The following C5 variants were observed in gnomAD, a reference collection of about 807,000 sequenced individuals.
C5 encodes the protein complement C5, also known as C3 and PZP-like alpha-2-macroglobulin domain-containing protein 4.
A neutral mutation model predicts 218.8 loss-of-function variants in C5; 140 were observed. That is an observed-to-expected ratio of 0.64 (90% CI 0.56 to 0.74). C5 has a LOEUF of 0.74. C5 is among the 30% of genes least tolerant of loss of function. The pLI, the probability that C5 is intolerant of heterozygous loss-of-function variation, is 0.00. For missense variants in C5, 1,700 were observed against 1,969.6 expected, an observed-to-expected ratio of 0.86 and a Z score of 2.59; for synonymous variants, 614 against 682.3, an observed-to-expected ratio of 0.90 and a Z score of 1.56.
At position 121,014,202 on chromosome 9, in the gene C5, A is replaced by G; in HGVS notation, c.2060-132T>C. ...TACCCACAATAGTTATGGCTAGTTG[A>G]CTGTCCAGACTCCCCTTGGAACTAT... On this transcript the variant is annotated intron_variant, in intron 16 of 40. Coordinates refer to ENST00000223642, the MANE Select transcript of C5 (RefSeq NM_001735.3). 5.3e-6 allele frequency: 4 copies of G among 760,852 alleles called. No homozygotes were observed. The South Asian group carries it at 5.9e-5, about 11-fold the overall frequency. The allele number at this position is 760,852 out of a possible 1,614,324, so 47.1% of individuals were successfully genotyped here.
intron 3 of C5, among the ~76,000 whole-genome samples, chr9:121,042,372 C>T (rs1485637508): frequency 6.6e-6 from 1 of 152,164 alleles, no homozygotes; most frequent in Admixed American, 6.6e-5. Flanking sequence ...AATGTTCTAA[C>T]AGTAACTTTC....
intron 28 of C5, 61 bp downstream of exon 28, chr9:120,980,022 G>A (rs1207755542): frequency 2.7e-6 from 4 of 1,501,144 alleles, no homozygotes; most frequent in Non-Finnish European, 3.7e-6. Flanking sequence ...CCACTTCCCA[G>A]ACTAGCAGAC....
At chr9:120,995,546 T>A (rs908210470) in intron 22 of C5, among the ~76,000 whole-genome samples, 2 of 152,150 alleles carry the variant, frequency 1.3e-5, no homozygotes, top group Non-Finnish European at 2.9e-5. Context: ...AGTGATTAAT[T>A]AGCATTATTA....
chr9:120,954,057 T>C (rs2046767662), intron 39 of C5, among the ~76,000 whole-genome samples, 189 bp from the exon 40 acceptor site: 2 of 152,206 alleles, frequency 1.3e-5, no homozygotes, highest in African/African-American at 4.8e-5. Flanking sequence ...AGCATGCTGC[T>C]TCCTGGCTAT....
At position 121,002,337 on chromosome 9, in the gene C5, TATATAC is replaced by T. The variant is rs1481090272; in HGVS notation, c.2562+3576_2562+3581del. Among the ~76,000 whole-genome samples, 72 of 117,028 alleles carry T rather than the reference TATATAC, an allele frequency of 6.2e-4. 1 individual carries two copies. The highest frequency in any genetic ancestry group is 2.3e-3 in the African/African-American group (64 of 27,826). The allele number at this position is 117,028 out of a possible 152,430, so 76.8% of individuals were successfully genotyped here. ...GTGTGTATATATATATATATATATA[TATATAC>T]ACACATACCTACACAAGCCGATTTT... On this transcript the variant is annotated intron_variant, in intron 20 of 40. Transcript: ENST00000223642.
intron 25 of C5, among the ~76,000 whole-genome samples, chr9:120,983,922 G>A (rs1010518388): frequency 2.6e-5 from 4 of 152,078 alleles, no homozygotes; most frequent in African/African-American, 9.7e-5. Flanking sequence ...CTTCCAAATA[G>A]TAGATACAAG....
chr9:121,060,273 A>T, the C5 span, among the ~76,000 whole-genome samples: 24 of 152,286 alleles, frequency 1.6e-4, no homozygotes, highest in African/African-American at 5.1e-4. Context: ...AAGCTGGAAT[A>T]ATTCGTGCTG....
At chr9:120,962,493 T>G (rs919100671) in intron 36 of C5, among the ~76,000 whole-genome samples, 178 bp downstream of exon 36, 6 of 152,200 alleles carry the variant, frequency 3.9e-5, no homozygotes, top group African/African-American at 1.4e-4. Flanking sequence ...TGTCAAGAAG[T>G]AGTTTATGTA....
At chr9:121,034,656 CTT>C (rs2047507742) in intron 5 of C5, 145 bp downstream of exon 5, 1 of 594,592 alleles carries the variant, frequency 1.7e-6, no homozygotes, top group Admixed American at 3.1e-5. Context: ...AAGAACAGAG[CTT>C]AAGTTCTTGC....
the C5 span, among the ~76,000 whole-genome samples, chr9:121,056,955 T>G: frequency 6.6e-6 from 1 of 152,014 alleles, no homozygotes; most frequent in East Asian, 1.9e-4. Flanking sequence ...CTCTCAATGA[T>G]CAAGGATAAA....
intron 31 of C5, among the ~76,000 whole-genome samples, chr9:120,971,164 T>A (rs1226432420): frequency 1.6e-5 from 2 of 122,510 alleles, no homozygotes; most frequent in Non-Finnish European, 3.2e-5. Context: ...AGAGCAAGAC[T>A]CCATCTCAAA....
chr9:120,996,425 G>A (rs913042209), intron 21 of C5, 125 bp from the exon 22 acceptor site: 9 of 794,714 alleles, frequency 1.1e-5, no homozygotes, highest in Middle Eastern at 5.5e-4. Context: ...GGCAAACTAT[G>A]TATAAATACT....
At chr9:120,979,937 C>A in intron 28 of C5, 146 bp downstream of exon 28, 1 of 698,846 alleles carries the variant, frequency 1.4e-6, no homozygotes, top group South Asian at 1.6e-5. Context: ...AATAACGGCA[C>A]ACATTACATC....
Position 121,016,260 on chromosome 9 carries a change from C to T in C5, c.1990G>A (p.Glu664Lys). Residue 664 changes from glutamate to lysine, a missense_variant, in exon 15 of 41, where the codon GAA (glutamate) becomes AAA (lysine). Coordinates refer to ENST00000223642, the MANE Select transcript of C5 (RefSeq NM_001735.3). ...AACATGCTGAGCATTTTACCATTTT[C>T]TTGGGAGTCATCTGCATTTGCATTA... The part of the protein sequence containing the change: ...LTNANADDSQ[E>K]NDEPCKEILR... The T allele has an allele frequency of 6.2e-7, 1 of 1,613,954 alleles. No homozygotes were observed. Among genetic ancestry groups the T allele is most frequent in the Non-Finnish European group, 8.5e-7 (1 of 1,179,872 alleles).
chr9:121,007,556 C>T (rs2047225764), intron 18 of C5, among the ~76,000 whole-genome samples: 1 of 152,170 alleles, frequency 6.6e-6, no homozygotes, highest in South Asian at 2.1e-4. Context: ...AGTTCAGAGG[C>T]AGTGTGCTTT....
chr9:120,964,378 A>G (rs983675901), intron 33 of C5, among the ~76,000 whole-genome samples: 1 of 152,176 alleles, frequency 6.6e-6, no homozygotes, highest in Non-Finnish European at 1.5e-5. Flanking sequence ...CTACAGGAGA[A>G]TTGCTTGAAC....
intron 38 of C5, 47 bp downstream of exon 38, chr9:120,960,201 C>A (rs747043737): frequency 2.1e-5 from 25 of 1,178,148 alleles, no homozygotes; most frequent in Middle Eastern, 1.9e-4. Context: ...AACACATATT[C>A]ATAAAATTTC....
chr9:121,073,032 C>T, the C5 span, among the ~76,000 whole-genome samples: 6 of 152,138 alleles, frequency 3.9e-5, no homozygotes, highest in Admixed American at 3.3e-4. Context: ...GACACATCTG[C>T]ATCCCCATGT....
At chr9:121,040,630 T>C (rs2047569492) in intron 3 of C5, among the ~76,000 whole-genome samples, 1 of 152,252 alleles carries the variant, frequency 6.6e-6, no homozygotes, top group Non-Finnish European at 1.5e-5. Context: ...TAGTGCTTAC[T>C]GTGTGCTTGG....
Sources: gnomAD v4.1 joint callset for allele counts (sites outside exome capture counted in the v4.1 genomes callset) on GRCh38, gnomAD v4.1.1 for gene constraint, MANE v1.5 for transcripts, NCBI Gene and HGNC (gene_info 2026-07-23, HGNC 2026-07-21) for gene names.